PDE4D: variants seen among roughly 807,000 people sequenced by gnomAD.
PDE4D encodes 3',5'-cyclic-AMP phosphodiesterase 4D.
Under a neutral mutation model 87.4 loss-of-function variants are expected in PDE4D, and 24 were observed. The observed-to-expected ratio is 0.27, with a 90% CI of 0.20 to 0.39. The LOEUF (loss-of-function observed/expected upper bound fraction) is 0.39. PDE4D is among the 10% of genes least tolerant of loss of function. The probability of loss-of-function intolerance (pLI) is 1.00; values close to 1 mark genes in which losing one functional copy is unlikely to be tolerated. For missense variants in PDE4D, 714 were observed against 1,041.0 expected, an observed-to-expected ratio of 0.69 and a Z score of 4.32; for synonymous variants, 384 against 383.2, an observed-to-expected ratio of 1.00 and a Z score of -0.02.
intron 3 of PDE4D, among the ~76,000 whole-genome samples, chr5:59,946,619 G>T (rs374307591): frequency 6.6e-6 from 1 of 152,264 alleles, no homozygotes; most frequent in East Asian, 1.9e-4. Flanking sequence ...GAAGCCATTT[G>T]CTCTAGCTGT....
chr5:59,575,988 G>C (rs758781689), intron 1 of PDE4D, among the ~76,000 whole-genome samples: 2 of 152,142 alleles, frequency 1.3e-5, no homozygotes, highest in African/African-American at 2.4e-5. Context: ...TGATATAGAA[G>C]AGGCAGTTTA....
chr5:60,173,754 T>C (rs1321724497), intron 2 of PDE4D, among the ~76,000 whole-genome samples: 2 of 152,132 alleles, frequency 1.3e-5, no homozygotes, highest in Non-Finnish European at 2.9e-5. Context: ...ATAATTTTAC[T>C]ACTTATCACT....
intron 1 of PDE4D, among the ~76,000 whole-genome samples, chr5:59,606,317 A>G (rs550578528): frequency 6.6e-6 from 1 of 152,276 alleles, no homozygotes; most frequent in South Asian, 2.1e-4. Context: ...ATTTAGAAAC[A>G]TGCAACAGCA....
chr5:59,443,375 G>C (rs1018966941), intron 1 of PDE4D, among the ~76,000 whole-genome samples: 2 of 152,032 alleles, frequency 1.3e-5, no homozygotes, highest in East Asian at 3.9e-4. Context: ...ATACTCAAAG[G>C]CTTACATAAT....
intron 2 of PDE4D, among the ~76,000 whole-genome samples, chr5:60,061,119 T>C (rs967792624): frequency 5.9e-5 from 9 of 152,088 alleles, no homozygotes; most frequent in African/African-American, 1.7e-4. Flanking sequence ...CGTATTCAAA[T>C]AGGAAAAGAG....
At chr5:60,056,006 G>C (rs750561772) in intron 2 of PDE4D, among the ~76,000 whole-genome samples, 2 of 152,232 alleles carry the variant, frequency 1.3e-5, no homozygotes, top group Admixed American at 6.6e-5. Context: ...GTTGCATGAA[G>C]TTCTGTGTCC....
At chr5:59,559,370 T>C (rs1819540568) in intron 1 of PDE4D, among the ~76,000 whole-genome samples, 1 of 152,216 alleles carries the variant, frequency 6.6e-6, no homozygotes, top group South Asian at 2.1e-4. Context: ...TCCAGTAATT[T>C]GGGACCCACT....
intron 1 of PDE4D, among the ~76,000 whole-genome samples, chr5:59,304,732 C>G (rs777825716): frequency 1.1e-4 from 17 of 151,906 alleles, no homozygotes; most frequent in Non-Finnish European, 2.1e-4. Flanking sequence ...ATCTCTGCAC[C>G]CCTGGTATGA....
At chr5:59,062,994 TTAGA>T (rs949770456) in intron 5 of PDE4D, 4 of 152,154 alleles carry the variant, frequency 2.6e-5, no homozygotes, top group African/African-American at 9.7e-5. Context: ...AAGAGACCTT[TTAGA>T]TAATGATTTG....
At chr5:60,369,758 G>A (rs778719146) in intron 1 of PDE4D, among the ~76,000 whole-genome samples, 3 of 152,150 alleles carry the variant, frequency 2.0e-5, no homozygotes, top group Non-Finnish European at 4.4e-5. Flanking sequence ...GGCAGAGTAG[G>A]ACGAAGACCA....
chr5:60,070,044 A>T (rs895417448), intron 2 of PDE4D, among the ~76,000 whole-genome samples: 1 of 152,090 alleles, frequency 6.6e-6, no homozygotes, highest in Non-Finnish European at 1.5e-5. Context: ...CTGTAATTTC[A>T]CTAAATTCAT....
intron 2 of PDE4D, among the ~76,000 whole-genome samples, chr5:59,198,696 A>G (rs569905970): frequency 1.3e-5 from 2 of 152,330 alleles, no homozygotes; most frequent in African/African-American, 4.8e-5. Context: ...CACAAGAGAA[A>G]TGACAGTAGA....
intron 2 of PDE4D, among the ~76,000 whole-genome samples, chr5:60,112,261 C>G (rs1272698413): frequency 6.6e-6 from 1 of 152,004 alleles, no homozygotes; most frequent in Non-Finnish European, 1.5e-5. Context: ...AATTTTCATT[C>G]TGAACATTAT....
intron 1 of PDE4D, among the ~76,000 whole-genome samples, chr5:60,518,927 A>G (rs866852771): frequency 6.6e-5 from 10 of 152,336 alleles, no homozygotes; most frequent in Middle Eastern, 3.4e-3. Context: ...AATTTAATCC[A>G]TGCATCCACA....
chr5:59,321,309 T>C (rs2153571457), intron 1 of PDE4D, among the ~76,000 whole-genome samples: 1 of 152,214 alleles, frequency 6.6e-6, no homozygotes, highest in African/African-American at 2.4e-5. Flanking sequence ...CCTCCTATAA[T>C]GTGTAATGAT....
chr5:59,196,656 C>T (rs1208825235), intron 2 of PDE4D, among the ~76,000 whole-genome samples: 1 of 152,066 alleles, frequency 6.6e-6, no homozygotes. Flanking sequence ...CATAAAGGCA[C>T]CTTTAGAGTT....
chr5:60,383,794 G>T (rs1762022499), intron 1 of PDE4D, among the ~76,000 whole-genome samples: 1 of 152,208 alleles, frequency 6.6e-6, no homozygotes, highest in East Asian at 1.9e-4. Context: ...CATTTACTCT[G>T]TGCCATTTAA....
At position 60,474,126 on chromosome 5, in the gene PDE4D, A is replaced by G. The variant is rs1317316288; in HGVS notation, c.-90+13816T>C. Among the ~76,000 whole-genome samples, 44 of 97,252 alleles carry G rather than the reference A, an allele frequency of 4.5e-4. 3 individuals are homozygous for G. The East Asian group carries it at 7.1e-3, about 16-fold the overall frequency. The allele number at this position is 97,252 out of a possible 152,430, so 63.8% of individuals were successfully genotyped here. ...CTGCCATATATATATATATATATAT[A>G]TATATATATATATATATATATATAA... is the stretch of plus-strand genomic sequence containing the variant. On this transcript the variant is annotated intron_variant, in intron 1 of 16. Transcript: ENST00000502484.
At position 60,103,571 on chromosome 5, in the gene PDE4D, A is replaced by G. The variant is rs370576469; in HGVS notation, c.42+81986T>C. Among the ~76,000 whole-genome samples, 24 of 152,340 alleles carry G rather than the reference A, an allele frequency of 1.6e-4. No individual in the cohort carries two copies. The South Asian group carries it at 4.6e-3, about 29-fold the overall frequency. ...CTAGAATTTATATAACTATGAATAC[A>G]TGTAGTGACCTGTTGGTCCTCCAGA... On this transcript the variant is annotated intron_variant, in intron 2 of 16. Transcript: ENST00000502484.
Sources: allele counts gnomAD v4.1 joint callset (sites outside exome capture counted in the v4.1 genomes callset), GRCh38; gene constraint gnomAD v4.1.1; transcripts MANE v1.5; gene names NCBI Gene and HGNC (gene_info 2026-07-23, HGNC 2026-07-21).